CREB3L2: variants seen among roughly 807,000 people sequenced by gnomAD.
The protein encoded by CREB3L2 is cyclic AMP-responsive element-binding protein 3-like protein 2.
A neutral mutation model predicts 57.2 loss-of-function variants in CREB3L2; 23 were observed. The ratio of observed to expected loss-of-function variants is 0.40; its 90% CI spans 0.29 to 0.57. The LOEUF (loss-of-function observed/expected upper bound fraction) is 0.57. Among genes scored for constraint, CREB3L2 ranks in the 20% least tolerant of loss-of-function variants. The pLI, the probability that CREB3L2 is intolerant of heterozygous loss-of-function variation, is 0.42. For missense variants in CREB3L2, 628 were observed against 634.7 expected, an observed-to-expected ratio of 0.99 and a Z score of 0.11; for synonymous variants, 268 against 265.1, an observed-to-expected ratio of 1.01 and a Z score of -0.11.
At chr7:137,910,510 T>C (rs1311948911) in intron 4 of CREB3L2, among the ~76,000 whole-genome samples, 1 of 152,028 alleles carries the variant, frequency 6.6e-6, no homozygotes, top group Non-Finnish European at 1.5e-5. Flanking sequence ...CCTAAGCGTG[T>C]TAATCAAGGT....
At chr7:137,930,006 G>A (rs1222947061) in intron 1 of CREB3L2, among the ~76,000 whole-genome samples, 2 of 151,642 alleles carry the variant, frequency 1.3e-5, no homozygotes, top group Non-Finnish European at 2.9e-5. Flanking sequence ...CCATTCTCCT[G>A]TCTCAGCCTC....
At chr7:137,972,732 TATATAGAGAG>T (rs1455893855) in intron 1 of CREB3L2, among the ~76,000 whole-genome samples, 35 of 26,802 alleles carry the variant, frequency 1.3e-3, no homozygotes, top group Non-Finnish European at 1.6e-3. Context: ...TATATATATA[TATATAGAGAG>T]AGAGAGAGAG....
At chr7:137,983,005 C>G (rs1245584701) in intron 1 of CREB3L2, among the ~76,000 whole-genome samples, 1 of 152,172 alleles carries the variant, frequency 6.6e-6, no homozygotes, top group Admixed American at 6.5e-5. Context: ...GCACCTTGAT[C>G]CTGGACTTCC....
intron 2 of CREB3L2, chr7:137,922,532 T>C (rs956525957): frequency 1.0e-5 from 4 of 391,246 alleles, no homozygotes; most frequent in Admixed American, 2.7e-5. Flanking sequence ...CATGTGAACA[T>C]AGAGAGAATG....
chr7:137,947,625 C>T (rs1801020173), intron 1 of CREB3L2, among the ~76,000 whole-genome samples: 1 of 152,148 alleles, frequency 6.6e-6, no homozygotes, highest in African/African-American at 2.4e-5. Context: ...ACCTGGGCTC[C>T]CAGATCACAG....
Position 138,001,582 on chromosome 7 carries a change from G to A in CREB3L2, c.102+22C>T. 6.3e-7 allele frequency: 1 copy of A among 1,583,178 alleles called. No homozygotes were observed. Among genetic ancestry groups the A allele is most frequent in the African/African-American group, 1.3e-5 (1 of 74,348 alleles). ...ACTTGCCCGCTTTGAAAGCCCTCCT[G>A]CCCCGCCCGCCGGGTCCTCACCGTG... On this transcript the variant is annotated intron_variant, in intron 1 of 11. Coordinates refer to ENST00000330387, the MANE Select transcript of CREB3L2 (RefSeq NM_194071.4). The surrounding 1 kb of genome is among the most constrained non-coding windows in gnomAD (Gnocchi z 4.2).
chr7:137,966,946 T>C (rs1364314114), intron 1 of CREB3L2, among the ~76,000 whole-genome samples: 2 of 152,096 alleles, frequency 1.3e-5, no homozygotes, highest in Admixed American at 6.5e-5. Flanking sequence ...AATGTGATAG[T>C]ATTTGGAGAT....
intron 1 of CREB3L2, among the ~76,000 whole-genome samples, chr7:137,967,076 TTCTC>T (rs1296337642): frequency 6.6e-6 from 1 of 152,212 alleles, no homozygotes; most frequent in African/African-American, 2.4e-5. Flanking sequence ...TCTCTCAGTC[TTCTC>T]TCTTTCTCCC....
chr7:137,976,460 T>C (rs2117308611), intron 1 of CREB3L2, among the ~76,000 whole-genome samples: 1 of 102,356 alleles, frequency 9.8e-6, no homozygotes, highest in Non-Finnish European at 1.9e-5. Flanking sequence ...TTATGTTTGT[T>C]TTTTTCCCAG....
intron 1 of CREB3L2, among the ~76,000 whole-genome samples, chr7:137,983,192 C>T (rs1194939614): frequency 6.6e-6 from 1 of 152,024 alleles, no homozygotes; most frequent in Admixed American, 6.5e-5. Context: ...TTATTTCTGC[C>T]CCCTCCACCA....
intron 6 of CREB3L2, among the ~76,000 whole-genome samples, chr7:137,904,578 C>T (rs922263156): frequency 4.5e-4 from 68 of 152,212 alleles, no homozygotes; most frequent in East Asian, 9.7e-4. Flanking sequence ...GCAAGAGAAT[C>T]GCTTGAGTCC....
intron 3 of CREB3L2, 66 bp from the exon 4 acceptor site, chr7:137,913,144 A>G (rs1034533882): frequency 2.0e-6 from 3 of 1,510,050 alleles, no homozygotes; most frequent in Non-Finnish European, 1.8e-6. Flanking sequence ...CATGCAGGAG[A>G]GCTATTTGTC....
chr7:137,882,665 G>C, intron 10 of CREB3L2, 37 bp from the exon 11 acceptor site: 3 of 1,432,228 alleles, frequency 2.1e-6, no homozygotes, highest in Non-Finnish European at 1.9e-6. Flanking sequence ...GTTAGCAAAA[G>C]ACCACAGGGG....
At chr7:137,886,320 G>A (rs1799418695) in intron 8 of CREB3L2, among the ~76,000 whole-genome samples, 1 of 152,118 alleles carries the variant, frequency 6.6e-6, no homozygotes, top group Non-Finnish European at 1.5e-5. Flanking sequence ...ACAACAGAAG[G>A]AGTGGCCAGA....
chr7:137,882,515 C>A lies in CREB3L2; in HGVS notation c.1384G>T (p.Val462Leu), dbSNP rs776625124. 7 of 1,614,058 alleles carry A rather than the reference C, an allele frequency of 4.3e-6. No homozygotes were observed. The South Asian group carries it at 5.5e-5, about 13-fold the overall frequency. Residue 462 changes from valine to leucine, a missense_variant, in exon 11 of 12, where the codon GTG becomes TTG. Transcript: ENST00000330387. ...GWDRGSSLLR[V>L]SGLESRPDVD... ...TCCGGCCTGGACTCCAGCCCTGACA[C>A]CCTGAGCAGGGAGGAACCTCTATCC...
chr7:137,932,636 A>C (rs932590005), intron 1 of CREB3L2, among the ~76,000 whole-genome samples: 2 of 152,228 alleles, frequency 1.3e-5, no homozygotes, highest in South Asian at 4.2e-4. Flanking sequence ...TGCTCACCTC[A>C]GTTTCTCAAT....
At chr7:137,987,699 G>T (rs1801815617) in intron 1 of CREB3L2, among the ~76,000 whole-genome samples, 1 of 152,114 alleles carries the variant, frequency 6.6e-6, no homozygotes, top group Non-Finnish European at 1.5e-5. Context: ...TTCTGTTTTT[G>T]GAGAGACAGG....
intron 1 of CREB3L2, among the ~76,000 whole-genome samples, chr7:137,948,145 T>C (rs752183381): frequency 2.0e-5 from 3 of 152,198 alleles, no homozygotes; most frequent in Non-Finnish European, 4.4e-5. Flanking sequence ...GCCTCTCTGC[T>C]CTTGTGTCTA....
rs1799266671 is a variant in CREB3L2 at position 137,880,308 on chromosome 7, T to C, written c.*168A>G. The C allele has an allele frequency of 3.2e-6, 2 of 631,060 alleles. No homozygotes were observed. The highest frequency in any genetic ancestry group is 1.8e-5 in the African/African-American group (1 of 54,642). 39.1% of individuals were successfully genotyped at this position (631,060 alleles called of 1,614,324 possible). ...AGGAGGGGCATGGACCAGGGGGAGA[T>C]GCTCTCTCACTGCAGGGAAGTCCCA... On this transcript the variant is annotated 3_prime_UTR_variant, in exon 12 of 12. Coordinates refer to ENST00000330387, the MANE Select transcript of CREB3L2 (RefSeq NM_194071.4). The surrounding 1 kb of genome is among the most constrained non-coding windows in gnomAD (Gnocchi z 4.0).
Sources: gnomAD v4.1 joint callset for allele counts (sites outside exome capture counted in the v4.1 genomes callset) on GRCh38, gnomAD v4.1.1 for gene constraint, Gnocchi (gnomAD v3.1) non-coding constraint, MANE v1.5 for transcripts, NCBI Gene and HGNC (gene_info 2026-07-23, HGNC 2026-07-21) for gene names.